The following ST7 variants were observed in gnomAD, a reference collection of about 807,000 sequenced individuals.
The protein encoded by ST7 is suppressor of tumorigenicity 7 protein.
Under a neutral mutation model 78.7 loss-of-function variants are expected in ST7, and 28 were observed. The observed-to-expected ratio is 0.36, with a 90% confidence interval of 0.26 to 0.49. ST7 has a LOEUF of 0.49. ST7 is among the 20% of genes least tolerant of loss of function. The pLI is 0.99. For synonymous variants in ST7, 247 were observed against 249.6 expected, an observed-to-expected ratio of 0.99 and a Z score of 0.10; for missense variants, 418 against 696.0, an observed-to-expected ratio of 0.60 and a Z score of 4.49.
chr7:117,212,694 A>G (rs1792389328), intron 13 of ST7, among the ~76,000 whole-genome samples: 1 of 152,170 alleles, frequency 6.6e-6, no homozygotes, highest in Admixed American at 6.5e-5. Context: ...ATTTTAAGTA[A>G]TTTCTTTTTT....
In ST7 at chr7:117,138,435, G is replaced by A. The variant is rs761145407; in HGVS notation, c.866G>A (p.Arg289Lys). Residue 289 changes from arginine to lysine, a missense_variant and splice_region_variant, in exon 9 of 16, where the codon AGA (arginine) becomes AAA (lysine). Arg to Lys is a conservative substitution (Grantham distance 26). Around this residue, in one of 4 missense-constraint regions of ST7, gnomAD observed 288 missense variants for 537.1 expected, o/e 0.54. Coordinates refer to ENST00000323984, the MANE Select transcript of ST7 (RefSeq NM_001369598.1). ...TGGTGTTTTATATCTCCCTCTTCAG[G>A]ACGAGACACCAATGTCTTGGTGTAC... ...HHGSQYEAQH[R>K]RDTNVLVYIK... 4 of 1,596,082 alleles carry A rather than the reference G, an allele frequency of 2.5e-6. No homozygotes were observed. In the South Asian group the frequency reaches 4.5e-5, roughly 18 times the overall value.
intron 10 of ST7, among the ~76,000 whole-genome samples, chr7:117,182,009 A>T (rs1476902517): frequency 6.6e-6 from 1 of 152,216 alleles, no homozygotes; most frequent in African/African-American, 2.4e-5. Context: ...GGTTGCAGAC[A>T]TATCATTGCA....
At chr7:117,104,025 C>G (rs113619006) in intron 2 of ST7, among the ~76,000 whole-genome samples, 28 of 152,198 alleles carry the variant, frequency 1.8e-4, no homozygotes, top group African/African-American at 6.7e-4. Context: ...AAATGCAGAC[C>G]AAAACCACAA....
intron 2 of ST7, among the ~76,000 whole-genome samples, chr7:117,112,022 A>C (rs1214575099): frequency 6.6e-6 from 1 of 152,108 alleles, no homozygotes; most frequent in African/African-American, 2.4e-5. Context: ...ATCAATACAC[A>C]TTTTAATAGG....
At chr7:117,108,232 T>G (rs1007484910) in intron 2 of ST7, among the ~76,000 whole-genome samples, 3 of 152,204 alleles carry the variant, frequency 2.0e-5, no homozygotes, top group African/African-American at 7.2e-5. Context: ...GGTCTTAGAT[T>G]TAAGTCTTTG....
chr7:117,215,484 G>C (rs949113253), intron 13 of ST7, among the ~76,000 whole-genome samples: 1 of 152,178 alleles, frequency 6.6e-6, no homozygotes, highest in East Asian at 1.9e-4. Context: ...TTACTGAGCA[G>C]CCAGGCACTA....
chr7:117,067,228 T>A (rs769282137), intron 1 of ST7, among the ~76,000 whole-genome samples: 1 of 152,028 alleles, frequency 6.6e-6, no homozygotes, highest in Non-Finnish European at 1.5e-5. Flanking sequence ...TGCATGGACA[T>A]GTGTTTTCAA....
intron 5 of ST7, chr7:117,130,809 A>G (rs1356400599): frequency 1.4e-5 from 6 of 421,658 alleles, no homozygotes; most frequent in Non-Finnish European, 2.5e-5. Context: ...TCCCCTCATA[A>G]TAATTTGAAT....
intron 9 of ST7, among the ~76,000 whole-genome samples, chr7:117,148,010 G>T (rs374464012): frequency 7.1e-4 from 108 of 151,944 alleles, no homozygotes; most frequent in Middle Eastern, 6.8e-3. Context: ...ATCCCTGTTG[G>T]GTATAAAGAT....
At chr7:117,119,447 T>A in intron 2 of ST7, 114 bp from the exon 3 acceptor site, 1 of 1,048,898 alleles carries the variant, frequency 9.5e-7, no homozygotes, top group East Asian at 2.8e-5. Context: ...AAACAGTTTT[T>A]GAAATAAAAT....
intron 2 of ST7, among the ~76,000 whole-genome samples, chr7:117,110,641 A>T (rs1240485325): frequency 6.6e-6 from 1 of 152,136 alleles, no homozygotes; most frequent in Non-Finnish European, 1.5e-5. Context: ...CTGCTGTACA[A>T]ATGGTAGGTC....
chr7:117,083,831 G>T (rs1799955002), intron 1 of ST7, among the ~76,000 whole-genome samples: 1 of 151,198 alleles, frequency 6.6e-6, no homozygotes. Flanking sequence ...AGATTTCCTT[G>T]TGAGCATATG....
In ST7 at chr7:117,202,127, A is replaced by T. The variant is rs1563164538; in HGVS notation, c.1255-7660A>T. On this transcript the variant is annotated intron_variant, in intron 12 of 15. Coordinates refer to ENST00000323984, the MANE Select transcript of ST7 (RefSeq NM_001369598.1). ...AGGCGCCCGCCACTAAGCCCGGCTA[A>T]TTTTTTTTGTATTTTTAGTAGAGAC... is the stretch of plus-strand genomic sequence containing the variant. 2.5e-5 allele frequency among the ~76,000 whole-genome samples: 2 copies of T among 78,810 alleles called. 1 individual carries two copies. The highest frequency in any genetic ancestry group is 5.5e-5 in the Non-Finnish European group (2 of 36,494). 51.7% of individuals were successfully genotyped at this position (78,810 alleles called of 152,430 possible).
At chr7:117,119,819 T>C (rs1031240565) in intron 3 of ST7, 99 bp downstream of exon 3, 52 of 1,398,302 alleles carry the variant, frequency 3.7e-5, no homozygotes, top group Non-Finnish European at 4.5e-5. Context: ...TATTTAAACA[T>C]TAGGCTTCAG....
At chr7:117,055,402 C>T (rs1386659135) in intron 1 of ST7, among the ~76,000 whole-genome samples, 1 of 152,100 alleles carries the variant, frequency 6.6e-6, no homozygotes, top group Non-Finnish European at 1.5e-5. Flanking sequence ...CAGGGTTTCG[C>T]CTTGTTAGCC....
At chr7:117,169,980 C>T (rs1225937781) in intron 9 of ST7, among the ~76,000 whole-genome samples, 5 of 152,170 alleles carry the variant, frequency 3.3e-5, no homozygotes, top group South Asian at 2.1e-4. Context: ...TCTTTACTAC[C>T]ACCCCCATCA....
intron 1 of ST7, among the ~76,000 whole-genome samples, chr7:117,054,715 G>A (rs779091575): frequency 3.9e-5 from 6 of 152,180 alleles, no homozygotes; most frequent in African/African-American, 9.7e-5. Flanking sequence ...TAAGTTCTAC[G>A]TGAGCATTTC....
At chr7:117,103,717 C>G (rs974568980) in intron 2 of ST7, among the ~76,000 whole-genome samples, 1 of 152,104 alleles carries the variant, frequency 6.6e-6, no homozygotes, top group African/African-American at 2.4e-5. Context: ...GACCTCAAAG[C>G]ACAGGCAACC....
chr7:116,985,517 A>G (rs1459897461), intron 1 of ST7, among the ~76,000 whole-genome samples: 1 of 151,324 alleles, frequency 6.6e-6, no homozygotes, highest in Non-Finnish European at 1.5e-5. Flanking sequence ...GGTGACATCA[A>G]AAAATATAAA....
Sources: gnomAD v4.1 joint callset for allele counts (sites outside exome capture counted in the v4.1 genomes callset) on GRCh38, gnomAD v4.1.1 for gene constraint, gnomAD v4.1.1 regional missense constraint, MANE v1.5 for transcripts, NCBI Gene and HGNC (gene_info 2026-07-23, HGNC 2026-07-21) for gene names.